RFX3: variants seen among roughly 807,000 people sequenced by gnomAD.
RFX3 encodes the protein transcription factor RFX3.
In RFX3, 14 loss-of-function variants were observed where a neutral mutation model predicts 98.6. That is an observed-to-expected ratio of 0.14 (90% CI 0.09 to 0.22). The LOEUF is 0.22. Ranked by LOEUF, RFX3 falls within the 10% of genes least tolerant of loss-of-function variation. The probability of loss-of-function intolerance (pLI) is 1.00; values close to 1 mark genes in which losing one functional copy is unlikely to be tolerated. For synonymous variants in RFX3, 383 were observed against 328.4 expected (o/e 1.17, Z -1.80); for missense variants, 639 against 926.9 (o/e 0.69, Z 4.03).
chr9:3,320,560 TA>T (rs201712364), intron 4 of RFX3, among the ~76,000 whole-genome samples: 3 of 135,682 alleles, frequency 2.2e-5, no homozygotes, highest in South Asian at 2.3e-4. Context: ...ACCCCCTCCA[TA>T]AAAAAAAACA....
intron 1 of RFX3, among the ~76,000 whole-genome samples, chr9:3,472,754 G>A (rs917541093): frequency 6.6e-6 from 1 of 152,100 alleles, no homozygotes; most frequent in Non-Finnish European, 1.5e-5. Flanking sequence ...TGAATACTAG[G>A]CTTATCAAAT....
intron 4 of RFX3, among the ~76,000 whole-genome samples, chr9:3,302,382 T>C (rs1022937575): frequency 4.0e-5 from 6 of 151,820 alleles, no homozygotes; most frequent in Non-Finnish European, 8.8e-5. Flanking sequence ...TACCAGGTGT[T>C]AGTGATAAAT....
At chr9:3,294,771 C>G (rs1253643715) in intron 5 of RFX3, among the ~76,000 whole-genome samples, 1 of 152,080 alleles carries the variant, frequency 6.6e-6, no homozygotes, top group African/African-American at 2.4e-5. Flanking sequence ...AACATAGCCA[C>G]CAAATCTACA....
At chr9:3,389,533 G>C (rs1297223213) in intron 2 of RFX3, among the ~76,000 whole-genome samples, 1 of 152,014 alleles carries the variant, frequency 6.6e-6, no homozygotes, top group Non-Finnish European at 1.5e-5. Context: ...ATCATGAAAA[G>C]ACAGGAAATT....
chr9:3,255,245 C>T (rs1465794496), intron 14 of RFX3, among the ~76,000 whole-genome samples: 5 of 152,142 alleles, frequency 3.3e-5, no homozygotes, highest in African/African-American at 1.2e-4. Context: ...ATTAAAAGAC[C>T]TCTGATTCCA....
At chr9:3,483,748 T>C (rs982529537) in intron 1 of RFX3, among the ~76,000 whole-genome samples, 1 of 152,228 alleles carries the variant, frequency 6.6e-6, no homozygotes, top group African/African-American at 2.4e-5. Flanking sequence ...GTGGCAACAC[T>C]AGTTTAAGAA....
intron 3 of RFX3, among the ~76,000 whole-genome samples, chr9:3,334,248 A>G (rs1471695651): frequency 2.6e-5 from 4 of 152,156 alleles, no homozygotes; most frequent in Non-Finnish European, 5.9e-5. Flanking sequence ...GCACTACACT[A>G]TTCTCCATTA....
intron 1 of RFX3, among the ~76,000 whole-genome samples, chr9:3,427,279 TATA>T (rs1467332254): frequency 5.6e-5 from 8 of 143,352 alleles, no homozygotes; most frequent in East Asian, 2.0e-4. Context: ...TATTTTATTA[TATA>T]ATACTATATA....
At chr9:3,514,712 G>T (rs997666230) in intron 1 of RFX3, among the ~76,000 whole-genome samples, 2 of 152,178 alleles carry the variant, frequency 1.3e-5, no homozygotes, top group African/African-American at 4.8e-5. Context: ...GCCTCCCAAT[G>T]TGCTGGGATT....
intron 16 of RFX3, among the ~76,000 whole-genome samples, chr9:3,227,105 C>A (rs916537755): frequency 8.5e-5 from 13 of 152,142 alleles, no homozygotes; most frequent in African/African-American, 3.1e-4. Flanking sequence ...CAGGTGAGGA[C>A]AAGTCACACT....
chr9:3,505,310 A>AAAATATTT (rs1413699264), intron 1 of RFX3, among the ~76,000 whole-genome samples: 1 of 102,410 alleles, frequency 9.8e-6, no homozygotes, highest in East Asian at 3.2e-4. Flanking sequence ...ATATATAAAT[A>AAAATATTT]TATATTAATG....
rs1049449535 is a variant in RFX3 at position 3,394,931 on chromosome 9, C to G, written c.117+541G>C. The G allele has an allele frequency of 6.6e-6, 4 of 604,482 alleles. No individual in the cohort carries two copies. In the South Asian group the frequency reaches 2.2e-4, roughly 33 times the overall value. 37.4% of individuals were successfully genotyped at this position (604,482 alleles called of 1,614,324 possible). A position where few individuals can be genotyped will look rare whatever the true frequency, so the allele number is the denominator to read the frequency against. Reference sequence around the variant, plus strand: ...TATCTGATGATGAATTCACTCCCAACTTTTTAAATAGCTTGAGTCAGATCT... The same window carrying G: ...TATCTGATGATGAATTCACTCCCAAGTTTTTAAATAGCTTGAGTCAGATCT... On this transcript the variant is annotated intron_variant, in intron 2 of 16. Coordinates refer to ENST00000617270, the MANE Select transcript of RFX3 (RefSeq NM_001282116.2).
chr9:3,365,911 C>G (rs1214473005), intron 2 of RFX3, among the ~76,000 whole-genome samples: 1 of 151,736 alleles, frequency 6.6e-6, no homozygotes, highest in Non-Finnish European at 1.5e-5. Flanking sequence ...CCAAAGTTAC[C>G]TCTCTAACTT....
At chr9:3,406,426 G>A (rs780295402) in intron 1 of RFX3, among the ~76,000 whole-genome samples, 11 of 151,844 alleles carry the variant, frequency 7.2e-5, no homozygotes, top group Non-Finnish European at 8.8e-5. Context: ...TAACAAGTCC[G>A]AATCTAGTGT....
chr9:3,446,474 T>A (rs1846062128), intron 1 of RFX3, among the ~76,000 whole-genome samples: 1 of 151,972 alleles, frequency 6.6e-6, no homozygotes, highest in African/African-American at 2.4e-5. Context: ...TGATGACTTG[T>A]CAAGAAGAAG....
intron 7 of RFX3, among the ~76,000 whole-genome samples, chr9:3,285,320 T>C (rs1307893263): frequency 1.3e-5 from 2 of 151,896 alleles, no homozygotes; most frequent in East Asian, 1.9e-4. Context: ...AGTCTCTTTA[T>C]ATAATTTTTA....
chr9:3,386,176 A>G (rs1170236536), intron 2 of RFX3, among the ~76,000 whole-genome samples: 2 of 152,198 alleles, frequency 1.3e-5, no homozygotes, highest in East Asian at 3.8e-4. Context: ...TAAAATAGCT[A>G]CAGAGGATAA....
At chr9:3,472,409 G>A (rs756731704) in intron 1 of RFX3, among the ~76,000 whole-genome samples, 1 of 152,120 alleles carries the variant, frequency 6.6e-6, no homozygotes, top group Non-Finnish European at 1.5e-5. Flanking sequence ...ATACTGTAAT[G>A]AGAAAATGAT....
At chr9:3,349,917 T>C (rs1049721098) in intron 2 of RFX3, among the ~76,000 whole-genome samples, 6 of 152,094 alleles carry the variant, frequency 3.9e-5, no homozygotes, top group African/African-American at 1.2e-4. Context: ...GTGATAAAAA[T>C]ACTTTTAAAT....
Sources: allele counts gnomAD v4.1 joint callset (sites outside exome capture counted in the v4.1 genomes callset), GRCh38; gene constraint gnomAD v4.1.1; transcripts MANE v1.5; gene names NCBI Gene and HGNC (gene_info 2026-07-23, HGNC 2026-07-21).